PBK: variants seen among roughly 807,000 people sequenced by gnomAD.
PBK encodes the protein PDZ binding kinase, also known as lymphokine-activated killer T-cell-originated protein kinase.
In PBK, 22 loss-of-function variants were observed where a neutral mutation model predicts 33.5. The ratio of observed to expected loss-of-function variants is 0.66; its 90% CI spans 0.47 to 0.94. PBK has a LOEUF of 0.94. PBK is among the 40% of genes least tolerant of loss of function. The probability of loss-of-function intolerance (pLI) is 0.00; values close to 1 mark genes in which losing one functional copy is unlikely to be tolerated. For missense variants in PBK, 376 were observed against 383.4 expected (o/e 0.98, Z 0.16); for synonymous variants, 129 against 123.8 (o/e 1.04, Z -0.28).
At chr8:27,833,154 A>T (rs983918261) in intron 1 of PBK, 21 bp from the exon 2 acceptor site, 1 of 1,265,398 alleles carries the variant, frequency 7.9e-7, no homozygotes, top group African/African-American at 1.5e-5. Flanking sequence ...AACAAATTGC[A>T]AGTTACACAG....
chr8:27,824,509 GTAAA>G (rs1206993173), intron 3 of PBK, among the ~76,000 whole-genome samples: 2 of 152,126 alleles, frequency 1.3e-5, no homozygotes, highest in African/African-American at 4.8e-5. Flanking sequence ...AAATATGTAA[GTAAA>G]TAAAATCTTT....
rs1362395242 is a variant in PBK at position 27,810,345 on chromosome 8, G to C, written c.929C>G (p.Ser310Cys). The change falls in exon 8 of 8, where the codon TCT becomes TGT. Residue 310 changes from serine (S) to cysteine (C), a missense_variant. Physicochemically the swap from Ser to Cys is moderately radical, Grantham distance 112. Coordinates refer to ENST00000301905, the MANE Select transcript of PBK (RefSeq NM_018492.4). The stretch of plus-strand genomic sequence containing the variant: ...CAGAGCTTCAACAATGTGTGCAGCA[G>C]AAGGACGATCTTTAGGGTCTTCATT... ...CTNEDPKDRP[S>C]AAHIVEALET... 1 of 1,613,202 alleles carries C rather than the reference G, an allele frequency of 6.2e-7. No homozygotes were observed. Among genetic ancestry groups the C allele is most frequent in the Admixed American group, 1.7e-5 (1 of 60,004 alleles).
chr8:27,826,751 G>C (rs536918992), intron 3 of PBK, among the ~76,000 whole-genome samples: 34 of 104,334 alleles, frequency 3.3e-4, no homozygotes, highest in East Asian at 2.5e-3. Flanking sequence ...AGCCGAGATC[G>C]CGCCACTGCA....
At chr8:27,828,567 C>T (rs1459077151) in intron 2 of PBK, among the ~76,000 whole-genome samples, 2 of 151,740 alleles carry the variant, frequency 1.3e-5, no homozygotes, top group East Asian at 3.9e-4. Context: ...TAGAGACCAG[C>T]TTGGGCAACA....
intron 6 of PBK, among the ~76,000 whole-genome samples, chr8:27,816,897 AC>A (rs1404030368): frequency 6.6e-6 from 1 of 151,938 alleles, no homozygotes; most frequent in Non-Finnish European, 1.5e-5. Flanking sequence ...AAATTAAACC[AC>A]CCCTTATTGG....
At chr8:27,827,459 A>C (rs1806046901) in intron 3 of PBK, among the ~76,000 whole-genome samples, 1 of 152,214 alleles carries the variant, frequency 6.6e-6, no homozygotes, top group Non-Finnish European at 1.5e-5. Context: ...AGGCAGGAGA[A>C]GCGCTTGAAC....
At chr8:27,816,543 A>G (rs1563489474) in intron 6 of PBK, among the ~76,000 whole-genome samples, 1 of 151,112 alleles carries the variant, frequency 6.6e-6, no homozygotes, top group Non-Finnish European at 1.5e-5. Context: ...CGCCTGGTTA[A>G]TTTTTTGTAT....
chr8:27,816,362 T>TATATATATATATA (rs1491202470), intron 6 of PBK, among the ~76,000 whole-genome samples: 1 of 130,250 alleles, frequency 7.7e-6, no homozygotes, highest in African/African-American at 2.9e-5. Flanking sequence ...TATATATTTA[T>TATATATATATATA]TTATTTATTT....
chr8:27,822,691 T>A (rs964512907), intron 4 of PBK, among the ~76,000 whole-genome samples: 6 of 152,154 alleles, frequency 3.9e-5, no homozygotes, highest in Non-Finnish European at 8.8e-5. Context: ...ATTAAAATAC[T>A]TTTATTTTCC....
At chr8:27,829,228 A>G (rs896157892) in intron 2 of PBK, among the ~76,000 whole-genome samples, 21 of 152,212 alleles carry the variant, frequency 1.4e-4, no homozygotes, top group African/African-American at 4.6e-4. Flanking sequence ...GAGGAAAGCA[A>G]TTGGCTCAAC....
intron 6 of PBK, among the ~76,000 whole-genome samples, chr8:27,816,367 T>A (rs181804144): frequency 0.024 from 2,553 of 105,480 alleles, 93 homozygotes; most frequent in East Asian, 0.18. Flanking sequence ...ATTTATTTAT[T>A]TATTTATTTA....
At chr8:27,831,920 C>T (rs1357699811) in intron 2 of PBK, among the ~76,000 whole-genome samples, 1 of 151,934 alleles carries the variant, frequency 6.6e-6, no homozygotes, top group Non-Finnish European at 1.5e-5. Flanking sequence ...CTAGTGAATT[C>T]CACCAATTTA....
rs769179029 is a variant in PBK at position 27,837,810 on chromosome 8, T to C, written c.-179A>G. The stretch of plus-strand genomic sequence containing the variant: ...GCTGCCGTTGCAATTCGAACCCTCC[T>C]GGCTTTCAAAAAGTCGCGCGCTGCG... On this transcript the variant is annotated 5_prime_UTR_variant, in exon 1 of 8. Transcript: ENST00000301905. The C allele has an allele frequency of 6.6e-6, 1 of 152,202 alleles. No individual in the cohort carries two copies. The highest frequency in any genetic ancestry group is 2.4e-5 in the African/African-American group (1 of 41,442). 9.4% of individuals were successfully genotyped at this position (152,202 alleles called of 1,614,324 possible). A position where few individuals can be genotyped will look rare whatever the true frequency, so the allele number is the denominator to read the frequency against.
intron 2 of PBK, among the ~76,000 whole-genome samples, chr8:27,832,413 A>C (rs1403087280): frequency 6.6e-6 from 1 of 152,216 alleles, no homozygotes; most frequent in Non-Finnish European, 1.5e-5. Flanking sequence ...CAATTAAAAA[A>C]AGTAAAAGAA....
intron 6 of PBK, among the ~76,000 whole-genome samples, chr8:27,819,117 T>C (rs1805872477): frequency 4.6e-5 from 7 of 152,196 alleles, no homozygotes; most frequent in Admixed American, 4.6e-4. Flanking sequence ...TAAAACTTTT[T>C]ATCTGCTCAG....
intron 1 of PBK, 38 bp from the exon 2 acceptor site, chr8:27,833,171 T>C: frequency 9.3e-7 from 1 of 1,077,674 alleles, no homozygotes; most frequent in Non-Finnish European, 1.4e-6. Context: ...ACAGCAGATA[T>C]AAAGAATACA....
intron 1 of PBK, among the ~76,000 whole-genome samples, chr8:27,835,013 TTTC>T (rs895106867): frequency 3.9e-5 from 6 of 152,124 alleles, no homozygotes; most frequent in African/African-American, 1.4e-4. Context: ...AAAAATTATA[TTTC>T]TTTTTAAAAA....
chr8:27,828,051 TAC>T, intron 3 of PBK, 52 bp downstream of exon 3: 1 of 851,908 alleles, frequency 1.2e-6, no homozygotes, highest in South Asian at 1.4e-5. Context: ...TGTCTCCAAG[TAC>T]AGTAGAATTA....
At chr8:27,825,324 G>C (rs1175377486) in intron 3 of PBK, among the ~76,000 whole-genome samples, 1 of 152,178 alleles carries the variant, frequency 6.6e-6, no homozygotes, top group African/African-American at 2.4e-5. Flanking sequence ...TGTAGTCCCA[G>C]CTACTTGGGA....
Sources: allele counts gnomAD v4.1 joint callset (sites outside exome capture counted in the v4.1 genomes callset), GRCh38; gene constraint gnomAD v4.1.1; transcripts MANE v1.5; gene names NCBI Gene and HGNC (gene_info 2026-07-23, HGNC 2026-07-21).